The following PTPN13 variants were observed in gnomAD, a reference collection of about 807,000 sequenced individuals.
PTPN13 encodes protein tyrosine phosphatase non-receptor type 13, also known as tyrosine-protein phosphatase non-receptor type 13.
PTPN13 carries 191 observed loss-of-function variants against 284.0 expected under a neutral mutation model. The ratio of observed to expected loss-of-function variants is 0.67; its 90% CI spans 0.60 to 0.76. The LOEUF is 0.76. Among genes scored for constraint, PTPN13 ranks in the 30% least tolerant of loss-of-function variants. The pLI is 0.00. For missense variants in PTPN13, 2,797 were observed against 2,939.9 expected (o/e 0.95, Z 1.12); for synonymous variants, 986 against 1,022.3 (o/e 0.96, Z 0.68).
At position 86,799,169 on chromosome 4, in the gene PTPN13, C is replaced by A; in HGVS notation, c.6470C>A (p.Pro2157Gln). 1.3e-6 allele frequency: 2 copies of A among 1,586,046 alleles called. No homozygotes were observed. Among genetic ancestry groups the A allele is most frequent in the Admixed American group, 1.8e-5 (1 of 55,724 alleles). The change falls in exon 42 of 48, where the codon CCA becomes CAA. Residue 2157 changes from proline (P) to glutamine (Q), a missense_variant. Transcript: ENST00000411767. The part of the protein sequence containing the change: ...DEITWGNDEL[P>Q]IERTNHEDSD... Reference sequence around the variant, plus strand: ...ATAACATGGGGAAATGATGAGTTGCCAATAGAGAGAACAAACCATGAAGAT... The same window carrying A: ...ATAACATGGGGAAATGATGAGTTGCAAATAGAGAGAACAAACCATGAAGAT...
At chr4:86,791,781 A>G (rs1213488458) in intron 40 of PTPN13, among the ~76,000 whole-genome samples, 1 of 152,200 alleles carries the variant, frequency 6.6e-6, no homozygotes, top group African/African-American at 2.4e-5. Flanking sequence ...TTAGAAGGGA[A>G]ACTAACAAAC....
chr4:86,610,512 G>A lies in PTPN13; in HGVS notation c.-6+15723G>A, dbSNP rs116624091. On this transcript the variant is annotated intron_variant, in intron 1 of 47. Transcript: ENST00000411767. The stretch of plus-strand genomic sequence containing the variant: ...GCAAAAAAGGGGCCAGGGCAGTTAA[G>A]TGAGGAGGAAGACAATAATGAGTGA... Among the ~76,000 whole-genome samples the A allele has an allele frequency of 9.3e-3, 1,417 of 152,352 alleles. 33 individuals are homozygous for A. Among genetic ancestry groups the A allele is most frequent in the African/African-American group, 0.033 (1,362 of 41,586 alleles).
At position 86,719,215 on chromosome 4, in the gene PTPN13, T is replaced by G. The variant is rs549835558; in HGVS notation, c.1385+2098T>G. On this transcript the variant is annotated intron_variant, in intron 9 of 47. Transcript: ENST00000411767. ...TTATCATTTAGCTCCCACTTACAAG[T>G]GAGAACATGTGGTATTTGGTTTTCT... 4.6e-5 allele frequency among the ~76,000 whole-genome samples: 7 copies of G among 152,326 alleles called. No individual in the cohort carries two copies. The East Asian group carries it at 1.4e-3, about 29-fold the overall frequency.
At chr4:86,807,412 A>G in intron 44 of PTPN13, 148 bp from the exon 45 acceptor site, 2 of 618,816 alleles carry the variant, frequency 3.2e-6, no homozygotes, top group Admixed American at 3.3e-5. Flanking sequence ...CTGTGCTACA[A>G]TTTGAAAATA....
intron 23 of PTPN13, among the ~76,000 whole-genome samples, chr4:86,761,779 G>T (rs1738728721): frequency 6.6e-6 from 1 of 152,092 alleles, no homozygotes; most frequent in African/African-American, 2.4e-5. Context: ...GCAACTCTTT[G>T]TATATTAGGG....
chr4:86,672,436 AGT>A lies in PTPN13; in HGVS notation c.192_193del (p.Ser65IlefsTer4). The A allele has an allele frequency of 6.4e-7, 1 of 1,570,478 alleles. No homozygotes were observed. Among genetic ancestry groups the A allele is most frequent in the Non-Finnish European group, 8.6e-7 (1 of 1,156,642 alleles). On this transcript the variant is annotated frameshift_variant, in exon 3 of 48. Coordinates refer to ENST00000411767, the MANE Select transcript of PTPN13 (RefSeq NM_080683.3). LOFTEE classifies it high-confidence loss of function. ...PWSLLLLPSG[S>X]VSFTDENISN... ...GTCTCTGCTGTTGCTGCCATCTGGT[AGT>A]GTGTCATTTACAGATGAAAATATTT...
intron 3 of PTPN13, among the ~76,000 whole-genome samples, chr4:86,677,548 C>T (rs982868210): frequency 3.3e-5 from 5 of 151,214 alleles, no homozygotes; most frequent in African/African-American, 7.3e-5. Context: ...CGCTTGACCT[C>T]GTGATCCATC....
rs1737268103 is a variant in PTPN13, at chr4:86,750,552, T to C, written c.2733T>C (p.Ser911=). 6.2e-7 allele frequency: 1 copy of C among 1,613,864 alleles called. No homozygotes were observed. ...TGGGACGAGCAATCAGCACTGGCAG[T>C]CTGGCCAGCAGCACCCTCAACAAAC... ...FNMGRAISTG[S]LASSTLNKLA... The change falls in exon 18 of 48, where the codon AGT becomes AGC. Residue 911 remains serine (S), a synonymous_variant. Coordinates refer to ENST00000411767, the MANE Select transcript of PTPN13 (RefSeq NM_080683.3).
chr4:86,612,776 A>G (rs901364725), intron 1 of PTPN13, among the ~76,000 whole-genome samples: 1 of 152,240 alleles, frequency 6.6e-6, no homozygotes, highest in African/African-American at 2.4e-5. Flanking sequence ...ATTACAGTAT[A>G]TTACTTGTCA....
intron 9 of PTPN13, among the ~76,000 whole-genome samples, chr4:86,720,585 A>G (rs1013190820): frequency 5.3e-5 from 8 of 152,202 alleles, no homozygotes; most frequent in Non-Finnish European, 7.4e-5. Context: ...ACTTAAATAC[A>G]TATTAGCTTA....
intron 15 of PTPN13, 54 bp downstream of exon 15, chr4:86,735,800 G>A (rs1735427023): frequency 2.0e-6 from 3 of 1,515,850 alleles, no homozygotes; most frequent in African/African-American, 2.8e-5. Flanking sequence ...AAGTAAGCAA[G>A]AAGTGTTAGA....
intron 5 of PTPN13, among the ~76,000 whole-genome samples, chr4:86,692,960 T>TC (rs1730184064): frequency 6.6e-6 from 1 of 151,190 alleles, no homozygotes; most frequent in South Asian, 2.1e-4. Flanking sequence ...GCACCAGTAG[T>TC]CCCAGCTACT....
At position 86,740,560 on chromosome 4, in the gene PTPN13, C is replaced by T. The variant is rs1403088678; in HGVS notation, c.2305-1074C>T. Among the ~76,000 whole-genome samples, 3 of 152,208 alleles carry T rather than the reference C, an allele frequency of 2.0e-5. No individual in the cohort carries two copies. In the East Asian group the frequency reaches 5.8e-4, roughly 29 times the overall value. ...ATTTTTTCCTCCTAAACCTCCAGGCCTGCAATGGGAGGGGCTGCTGCAAAG... is the reference window on the plus strand; with the variant it reads ...ATTTTTTCCTCCTAAACCTCCAGGCTTGCAATGGGAGGGGCTGCTGCAAAG... On this transcript the variant is annotated intron_variant, in intron 15 of 47. Coordinates refer to ENST00000411767, the MANE Select transcript of PTPN13 (RefSeq NM_080683.3).
Position 86,635,271 on chromosome 4 carries a change from A to G in PTPN13, c.15A>G (p.Leu5=), listed in dbSNP as rs1476345295. 2.5e-6 allele frequency: 4 copies of G among 1,603,198 alleles called. No homozygotes were observed. The highest frequency in any genetic ancestry group is 3.4e-6 in the Non-Finnish European group (4 of 1,175,022). MHVS[L]AEALEVRGGP... Reference sequence around the variant, plus strand: ...TCCCAGGTAATATGCACGTGTCACTAGCTGAGGCCCTGGAGGTTCGGGGTG... The same window carrying G: ...TCCCAGGTAATATGCACGTGTCACTGGCTGAGGCCCTGGAGGTTCGGGGTG... The change falls in exon 2 of 48, where the codon CTA becomes CTG. Residue 5 remains leucine (L), a synonymous_variant. Transcript: ENST00000411767.
At chr4:86,651,027 A>G (rs1725019751) in intron 2 of PTPN13, among the ~76,000 whole-genome samples, 2 of 152,192 alleles carry the variant, frequency 1.3e-5, no homozygotes, top group African/African-American at 4.8e-5. Context: ...GTTTTTCCCC[A>G]TTCAGTATAA....
chr4:86,753,016 T>G lies in PTPN13; in HGVS notation c.3174T>G (p.Thr1058=). The change falls in exon 20 of 48, where the codon ACT becomes ACG. Residue 1058 remains threonine, a synonymous_variant. Transcript: ENST00000411767. ...DPGQAYVLGM[T]MHSSGNSSSQ... ...ATTTAATTTATGCCACAGGAATGACTATGCATAGTTCTGGAAACTCTTCAT... is the reference window on the plus strand; with the variant it reads ...ATTTAATTTATGCCACAGGAATGACGATGCATAGTTCTGGAAACTCTTCAT... 1 of 1,606,082 alleles carries G rather than the reference T, an allele frequency of 6.2e-7. No individual in the cohort carries two copies. Among genetic ancestry groups the G allele is most frequent in the East Asian group, 2.2e-5 (1 of 44,638 alleles).
intron 7 of PTPN13, among the ~76,000 whole-genome samples, chr4:86,712,777 T>G (rs967881080): frequency 6.6e-6 from 1 of 152,074 alleles, no homozygotes; most frequent in African/African-American, 2.4e-5. Context: ...AAATGATTTA[T>G]TATGTTTTTA....
intron 4 of PTPN13, among the ~76,000 whole-genome samples, chr4:86,688,698 TGTA>T (rs1476812982): frequency 6.6e-6 from 1 of 152,156 alleles, no homozygotes; most frequent in Non-Finnish European, 1.5e-5. Context: ...CGTGTGTACA[TGTA>T]GTAACTGTTT....
chr4:86,733,263 A>T (rs1050417173), intron 12 of PTPN13, among the ~76,000 whole-genome samples: 5 of 152,232 alleles, frequency 3.3e-5, no homozygotes, highest in Non-Finnish European at 7.4e-5. Context: ...TCACAACCAC[A>T]GTGGTCTAAG....
Sources: gnomAD v4.1 joint callset for allele counts (sites outside exome capture counted in the v4.1 genomes callset) on GRCh38, gnomAD v4.1.1 for gene constraint, MANE v1.5 for transcripts, NCBI Gene and HGNC (gene_info 2026-07-23, HGNC 2026-07-21) for gene names.